CSMD1: variants seen among roughly 807,000 people sequenced by gnomAD.
The protein encoded by CSMD1 is CUB and sushi domain-containing protein 1.
CSMD1 carries 213 observed loss-of-function variants against 417.5 expected under a neutral mutation model. The observed-to-expected ratio is 0.51, with a 90% confidence interval of 0.46 to 0.57. The LOEUF (loss-of-function observed/expected upper bound fraction) is 0.57, where lower values mean the gene tolerates loss of function less well. Among genes scored for constraint, CSMD1 ranks in the 20% least tolerant of loss-of-function variants. The pLI is 0.00. For missense variants in CSMD1, 6,923 were observed against 4,529.7 expected, an observed-to-expected ratio of 1.53 and a Z score of -15.17; for synonymous variants, 2,862 against 1,736.8, an observed-to-expected ratio of 1.65 and a Z score of -16.11.
At chr8:4,607,998 G>C (rs570290226) in intron 2 of CSMD1, among the ~76,000 whole-genome samples, 1 of 152,116 alleles carries the variant, frequency 6.6e-6, no homozygotes, top group Non-Finnish European at 1.5e-5. Context: ...AGTGGTCAGA[G>C]AAGGCATCAG....
At chr8:3,431,055 T>C (rs529448171) in intron 12 of CSMD1, among the ~76,000 whole-genome samples, 93 of 152,302 alleles carry the variant, frequency 6.1e-4, no homozygotes, top group African/African-American at 2.1e-3. Flanking sequence ...TAATGGATTC[T>C]GGGAAATGCA....
At chr8:3,435,038 G>T (rs1377059460) in intron 12 of CSMD1, among the ~76,000 whole-genome samples, 5 of 151,610 alleles carry the variant, frequency 3.3e-5, no homozygotes, top group African/African-American at 1.2e-4. Context: ...GGAGCTGGTA[G>T]CAGAGAGGAC....
intron 7 of CSMD1, among the ~76,000 whole-genome samples, chr8:3,673,498 G>T (rs1255051595): frequency 6.6e-6 from 1 of 152,176 alleles, no homozygotes; most frequent in African/African-American, 2.4e-5. Context: ...ACTCAACTGT[G>T]ATGTTCATAA....
chr8:3,839,359 A>C (rs1802946637), intron 5 of CSMD1, among the ~76,000 whole-genome samples: 1 of 118,868 alleles, frequency 8.4e-6, no homozygotes, highest in Admixed American at 1.1e-4. Context: ...ATATAATATT[A>C]ATATATACTC....
chr8:3,636,593 G>C (rs1235867538), intron 7 of CSMD1, among the ~76,000 whole-genome samples: 1 of 152,138 alleles, frequency 6.6e-6, no homozygotes, highest in African/African-American at 2.4e-5. Flanking sequence ...AACGGAATGT[G>C]AAAAACATCT....
intron 12 of CSMD1, among the ~76,000 whole-genome samples, chr8:3,437,666 G>A (rs369726413): frequency 1.2e-4 from 19 of 152,050 alleles, no homozygotes; most frequent in Admixed American, 5.9e-4. Flanking sequence ...TAACATTAAT[G>A]TTTTCCCTTT....
chr8:4,049,583 C>T (rs58055121), intron 3 of CSMD1, among the ~76,000 whole-genome samples: 5,765 of 151,460 alleles, frequency 0.038, 346 homozygotes, highest in African/African-American at 0.12. Context: ...CTACTACCTG[C>T]TCTGTCTTTT....
intron 4 of CSMD1, among the ~76,000 whole-genome samples, chr8:4,001,000 C>G (rs1256888740): frequency 1.3e-5 from 2 of 151,560 alleles, no homozygotes; most frequent in Non-Finnish European, 2.9e-5. Flanking sequence ...CTTCATAATT[C>G]ACCTTGTTGG....
chr8:3,462,975 G>A (rs1237520456), intron 12 of CSMD1, among the ~76,000 whole-genome samples: 3 of 152,184 alleles, frequency 2.0e-5, no homozygotes, highest in Non-Finnish European at 2.9e-5. Context: ...CCAGGCTTGT[G>A]GCCTTGCGCT....
At chr8:4,855,978 T>A (rs954131231) in intron 1 of CSMD1, among the ~76,000 whole-genome samples, 6 of 150,914 alleles carry the variant, frequency 4.0e-5, no homozygotes, top group Non-Finnish European at 8.9e-5. Flanking sequence ...TCACCAAAGT[T>A]GAAATGAAGG....
intron 47 of CSMD1, among the ~76,000 whole-genome samples, chr8:3,094,044 G>C (rs931586683): frequency 6.6e-6 from 1 of 151,760 alleles, no homozygotes; most frequent in African/African-American, 2.4e-5. Flanking sequence ...ATTTTGAAAT[G>C]TCATTTTTAA....
At chr8:4,944,027 A>G (rs1369076180) in intron 1 of CSMD1, among the ~76,000 whole-genome samples, 1 of 152,180 alleles carries the variant, frequency 6.6e-6, no homozygotes, top group Non-Finnish European at 1.5e-5. Context: ...GGGAATCAAA[A>G]TAAGCTGGAA....
chr8:4,224,128 G>A (rs1285382473), intron 3 of CSMD1, among the ~76,000 whole-genome samples: 1 of 152,102 alleles, frequency 6.6e-6, no homozygotes, highest in Non-Finnish European at 1.5e-5. Context: ...AACATACCAT[G>A]AGGACACTTA....
At chr8:3,528,777 G>A (rs919233213) in intron 10 of CSMD1, among the ~76,000 whole-genome samples, 1 of 152,142 alleles carries the variant, frequency 6.6e-6, no homozygotes, top group African/African-American at 2.4e-5. Context: ...CAAAACTGAA[G>A]GTTGACAGAC....
intron 8 of CSMD1, among the ~76,000 whole-genome samples, chr8:3,605,810 T>C (rs972409950): frequency 6.6e-6 from 1 of 152,220 alleles, no homozygotes; most frequent in Non-Finnish European, 1.5e-5. Flanking sequence ...AAATTCCCTT[T>C]AGAGCCTAGG....
chr8:4,512,418 C>T (rs1030372354), intron 2 of CSMD1, among the ~76,000 whole-genome samples: 5 of 152,094 alleles, frequency 3.3e-5, no homozygotes, highest in South Asian at 2.1e-4. Flanking sequence ...TTTCCAACAT[C>T]GTAGCTAATG....
intron 1 of CSMD1, among the ~76,000 whole-genome samples, chr8:4,948,125 T>A (rs1808490320): frequency 6.6e-6 from 1 of 152,086 alleles, no homozygotes; most frequent in Non-Finnish European, 1.5e-5. Flanking sequence ...GTCGTATCAA[T>A]TTATACTACT....
At chr8:3,753,509 T>C (rs1426532140) in intron 6 of CSMD1, among the ~76,000 whole-genome samples, 1 of 152,232 alleles carries the variant, frequency 6.6e-6, no homozygotes, top group Non-Finnish European at 1.5e-5. Flanking sequence ...TGCATTTATG[T>C]GGTGTGAAGA....
In CSMD1 at chr8:4,387,620, GAATTT is replaced by G. The variant is rs371741317; in HGVS notation, c.415+32328_415+32332del. 6.1e-3 allele frequency among the ~76,000 whole-genome samples: 589 copies of G among 95,928 alleles called. 3 individuals are homozygous for G. Among genetic ancestry groups the G allele is most frequent in the Middle Eastern group, 0.056 (7 of 124 alleles). The allele number at this position is 95,928 out of a possible 152,430, so 62.9% of individuals were successfully genotyped here. A position where few individuals can be genotyped will look rare whatever the true frequency, so the allele number is the denominator to read the frequency against. ...GTTGAATGTTTGGAAGTATTTTTAAGAATTTAATATGAAACCATTTACAATAATTA... is the reference window on the plus strand; with the variant it reads ...GTTGAATGTTTGGAAGTATTTTTAAGAATATGAAACCATTTACAATAATTA... On this transcript the variant is annotated intron_variant, in intron 3 of 69. Coordinates refer to ENST00000635120, the MANE Select transcript of CSMD1 (RefSeq NM_033225.6).
Sources: gnomAD v4.1 joint callset for allele counts (sites outside exome capture counted in the v4.1 genomes callset) on GRCh38, gnomAD v4.1.1 for gene constraint, MANE v1.5 for transcripts, NCBI Gene and HGNC (gene_info 2026-07-23, HGNC 2026-07-21) for gene names.